The following RBFOX1 variants were observed in gnomAD, a reference collection of about 807,000 sequenced individuals.
RBFOX1 encodes RNA binding fox-1 homolog 1.
In RBFOX1, 8 loss-of-function variants were observed where a neutral mutation model predicts 57.7. That is an observed-to-expected ratio of 0.14 (90% CI 0.08 to 0.25). RBFOX1 has a LOEUF of 0.25. RBFOX1 is among the 10% of genes least tolerant of loss of function. RBFOX1 has a pLI of 1.00. For synonymous variants in RBFOX1, 326 were observed against 222.4 expected (o/e 1.47, Z -4.15); for missense variants, 611 against 548.5 (o/e 1.11, Z -1.14).
rs375349980 is a variant in RBFOX1, at chr16:6,770,646, A to G, written c.-16+115996A>G. ...AAATCAATCTCTACTCAGAGGCTGC[A>G]GAGCCTTCCTGGGAGGAGAGAAGAG... On this transcript the variant is annotated intron_variant, in intron 3 of 15. Coordinates refer to ENST00000550418, the MANE Select transcript of RBFOX1 (RefSeq NM_018723.4). Among the ~76,000 whole-genome samples, 309 of 152,230 alleles carry G rather than the reference A, an allele frequency of 2.0e-3. 4 individuals are homozygous for G. The highest frequency in any genetic ancestry group is 4.3e-3 in the African/African-American group (177 of 41,524).
chr16:5,779,466 A>G (rs952441840), intron 3 of RBFOX1, among the ~76,000 whole-genome samples: 6 of 152,154 alleles, frequency 3.9e-5, no homozygotes, highest in African/African-American at 1.4e-4. Flanking sequence ...ATTATATTAC[A>G]TGACTTATTG....
chr16:6,884,788 C>T (rs530040855), intron 3 of RBFOX1, among the ~76,000 whole-genome samples: 18 of 152,158 alleles, frequency 1.2e-4, no homozygotes, highest in African/African-American at 3.9e-4. Context: ...GTCCCAGCTA[C>T]TTGGGAGGCT....
intron 1 of RBFOX1, among the ~76,000 whole-genome samples, chr16:5,386,197 A>T (rs1295317452): frequency 6.6e-6 from 1 of 151,960 alleles, no homozygotes. Flanking sequence ...GAAAATAGGA[A>T]CTAAAATTGG....
At chr16:6,990,977 T>A in intron 3 of RBFOX1, among the ~76,000 whole-genome samples, 1 of 152,080 alleles carries the variant, frequency 6.6e-6, no homozygotes, top group Middle Eastern at 3.4e-3. Context: ...TAAAGCTCTG[T>A]GTCCAGATAT....
At chr16:7,121,962 C>G (rs1017589806) in intron 4 of RBFOX1, among the ~76,000 whole-genome samples, 6 of 151,900 alleles carry the variant, frequency 3.9e-5, no homozygotes, top group East Asian at 3.9e-4. Flanking sequence ...GGAATAATTG[C>G]AAACACATTT....
chr16:6,740,936 C>T (rs2154182332), intron 3 of RBFOX1, among the ~76,000 whole-genome samples: 1 of 152,242 alleles, frequency 6.6e-6, no homozygotes, highest in African/African-American at 2.4e-5. Flanking sequence ...AAATAAGAAT[C>T]AGGTGGGACA....
chr16:6,559,850 C>T (rs1319390471), intron 2 of RBFOX1, among the ~76,000 whole-genome samples: 2 of 152,158 alleles, frequency 1.3e-5, no homozygotes, highest in African/African-American at 4.8e-5. Flanking sequence ...GCTCCCTTAT[C>T]TGCCTAAAGT....
chr16:6,762,832 G>T (rs1429268353), intron 3 of RBFOX1, among the ~76,000 whole-genome samples: 1 of 152,174 alleles, frequency 6.6e-6, no homozygotes, highest in Non-Finnish European at 1.5e-5. Context: ...GGTGTTACCA[G>T]AGTCATAGTG....
intron 4 of RBFOX1, among the ~76,000 whole-genome samples, chr16:7,447,889 A>T (rs2150104441): frequency 1.3e-5 from 2 of 152,210 alleles, no homozygotes; most frequent in African/African-American, 2.4e-5. Context: ...ATCAGCATCA[A>T]CCCCCTGGAG....
At chr16:6,988,009 T>C (rs2090668970) in intron 3 of RBFOX1, among the ~76,000 whole-genome samples, 1 of 152,160 alleles carries the variant, frequency 6.6e-6, no homozygotes, top group South Asian at 2.1e-4. Context: ...ATCATGGTTA[T>C]GTTTCTGGTG....
chr16:7,297,002 A>G (rs895747931), intron 4 of RBFOX1, among the ~76,000 whole-genome samples: 1 of 152,124 alleles, frequency 6.6e-6, no homozygotes, highest in African/African-American at 2.4e-5. Flanking sequence ...ATGTCAGGGG[A>G]AGAGCTGGGT....
At chr16:6,569,434 T>C (rs1000147391) in intron 2 of RBFOX1, among the ~76,000 whole-genome samples, 3 of 152,194 alleles carry the variant, frequency 2.0e-5, no homozygotes, top group Non-Finnish European at 4.4e-5. Flanking sequence ...TTGACTTTTA[T>C]TCTTTGGATT....
In RBFOX1 at chr16:7,033,219, CCTT is replaced by C. The variant is rs374929988; in HGVS notation, c.-15-18837_-15-18835del. On this transcript the variant is annotated intron_variant, in intron 3 of 15. Coordinates refer to ENST00000550418, the MANE Select transcript of RBFOX1 (RefSeq NM_018723.4). ...GGAGACCACCCGTGCCTTACCTCCTCCTTAAAAGTCCAAAAACAGGACGGGCAC... is the reference window on the plus strand; with the variant it reads ...GGAGACCACCCGTGCCTTACCTCCTCAAAAGTCCAAAAACAGGACGGGCAC... Among the ~76,000 whole-genome samples, 732 of 152,234 alleles carry C rather than the reference CCTT, an allele frequency of 4.8e-3. 8 individuals carry two copies. Among genetic ancestry groups the C allele is most frequent in the African/African-American group, 0.017 (691 of 41,558 alleles).
intron 1 of RBFOX1, among the ~76,000 whole-genome samples, chr16:6,069,106 A>C (rs2152479593): frequency 1.3e-5 from 2 of 152,214 alleles, no homozygotes; most frequent in South Asian, 4.2e-4. Context: ...GGAAGAGAAA[A>C]AGAAGGGAGA....
intron 1 of RBFOX1, among the ~76,000 whole-genome samples, chr16:6,202,135 C>G (rs1017082010): frequency 7.2e-5 from 11 of 152,166 alleles, no homozygotes; most frequent in African/African-American, 2.7e-4. Context: ...AGATCATTAA[C>G]CAGTTTCTAA....
At chr16:6,721,276 G>T (rs112770694) in intron 3 of RBFOX1, among the ~76,000 whole-genome samples, 263 of 152,166 alleles carry the variant, frequency 1.7e-3, no homozygotes, top group Non-Finnish European at 2.9e-3. Context: ...AACCCTGTCT[G>T]TACTAAAACT....
At chr16:5,619,994 A>C (rs1017864871) in intron 3 of RBFOX1, among the ~76,000 whole-genome samples, 3 of 151,602 alleles carry the variant, frequency 2.0e-5, no homozygotes, top group Admixed American at 6.6e-5. Flanking sequence ...ATTAAAAAAA[A>C]AAAAAAGAAA....
chr16:6,961,357 T>A (rs1049865667), intron 3 of RBFOX1, among the ~76,000 whole-genome samples: 1 of 152,130 alleles, frequency 6.6e-6, no homozygotes, highest in East Asian at 1.9e-4. Flanking sequence ...CTCCAGACCG[T>A]GTTCAAACTG....
At chr16:6,061,771 C>G (rs111952071) in intron 1 of RBFOX1, among the ~76,000 whole-genome samples, 3 of 152,260 alleles carry the variant, frequency 2.0e-5, no homozygotes, top group African/African-American at 7.2e-5. Context: ...ACTTCTGTGA[C>G]CAGATGTGCA....
Sources: gnomAD v4.1 joint callset for allele counts (sites outside exome capture counted in the v4.1 genomes callset) on GRCh38, gnomAD v4.1.1 for gene constraint, MANE v1.5 for transcripts, NCBI Gene and HGNC (gene_info 2026-07-23, HGNC 2026-07-21) for gene names.